MCC: variants seen among roughly 807,000 people sequenced by gnomAD.
MCC encodes colorectal mutant cancer protein.
Under a neutral mutation model 116.2 loss-of-function variants are expected in MCC, and 90 were observed. That is an observed-to-expected ratio of 0.77 (90% CI 0.65 to 0.92). The LOEUF (loss-of-function observed/expected upper bound fraction) is 0.92. Ranked by LOEUF, MCC falls within the 40% of genes least tolerant of loss-of-function variation. MCC has a pLI of 0.00. For synonymous variants in MCC, 578 were observed against 510.5 expected, an observed-to-expected ratio of 1.13 and a Z score of -1.78; for missense variants, 1,516 against 1,312.2, an observed-to-expected ratio of 1.16 and a Z score of -2.40.
intron 1 of MCC, among the ~76,000 whole-genome samples, chr5:113,400,695 T>C (rs1447078852): frequency 6.6e-6 from 1 of 152,226 alleles, no homozygotes; most frequent in Admixed American, 6.5e-5. Context: ...ATTTTCATTT[T>C]ACAGGGTCTA....
chr5:113,099,347 T>G (rs889959189), intron 8 of MCC, among the ~76,000 whole-genome samples: 1 of 151,534 alleles, frequency 6.6e-6, no homozygotes, highest in South Asian at 2.1e-4. Context: ...CAGGCCTGTA[T>G]GTGTGTGTGT....
chr5:113,312,830 T>C (rs1316804719), intron 3 of MCC, among the ~76,000 whole-genome samples: 1 of 152,214 alleles, frequency 6.6e-6, no homozygotes, highest in Non-Finnish European at 1.5e-5. Flanking sequence ...TATCCATCTA[T>C]TTAGTCAATG....
Position 113,351,457 on chromosome 5 carries a change from A to C in MCC, c.416-10727T>G, listed in dbSNP as rs1454081372. Among the ~76,000 whole-genome samples, 7 of 152,298 alleles carry C rather than the reference A, an allele frequency of 4.6e-5. No homozygotes were observed. The South Asian group carries it at 1.5e-3, about 32-fold the overall frequency. ...CCAGGCACAGAAAGACAAATTTCAC[A>C]TGTTCTCACTTATTTGTAGGAGCTA... On this transcript the variant is annotated intron_variant, in intron 2 of 18. Transcript: ENST00000408903.
intron 1 of MCC, among the ~76,000 whole-genome samples, chr5:113,482,737 T>C (rs1026552061): frequency 6.6e-5 from 10 of 152,158 alleles, no homozygotes; most frequent in Non-Finnish European, 1.3e-4. Context: ...TTTTGAAGCA[T>C]AAACTTAAAA....
At chr5:113,132,445 C>T (rs1257767250) in intron 5 of MCC, among the ~76,000 whole-genome samples, 4,753 of 21,324 alleles carry the variant, frequency 0.22, 418 homozygotes, top group African/African-American at 0.35. Flanking sequence ...TATATATATA[C>T]ACACACACAC....
chr5:113,382,610 T>G (rs78648405), intron 2 of MCC, among the ~76,000 whole-genome samples: 4,900 of 152,216 alleles, frequency 0.032, 105 homozygotes, highest in East Asian at 0.075. Context: ...TAGGGAGTTG[T>G]TTTCCCAATC....
Position 113,053,956 on chromosome 5 carries a change from T to G in MCC, c.2217A>C (p.Thr739=). Residue 739 remains threonine (T), a synonymous_variant, in exon 15 of 19, where the codon ACA becomes ACC. Coordinates refer to ENST00000408903, the MANE Select transcript of MCC (RefSeq NM_001085377.2). Reference sequence around the variant, plus strand: ...CGCAACTACTGGCTGTGGAGCTGGTTGTGCTGAGAAAGAAGAAAAACAAAG... The same window carrying G: ...CGCAACTACTGGCTGTGGAGCTGGTGGTGCTGAGAAAGAAGAAAAACAAAG... The part of the protein sequence containing the change: ...ESLSSNSHTS[T]TSSTASSCDT... The G allele has an allele frequency of 1.9e-6, 3 of 1,608,768 alleles. No individual in the cohort carries two copies. Among genetic ancestry groups the G allele is most frequent in the Non-Finnish European group, 8.5e-7 (1 of 1,175,608 alleles).
chr5:113,322,836 G>A (rs564950254), intron 3 of MCC, among the ~76,000 whole-genome samples: 1 of 152,270 alleles, frequency 6.6e-6, no homozygotes, highest in Admixed American at 6.5e-5. Flanking sequence ...TGAAGAACCA[G>A]CCTCCAAGAT....
chr5:113,322,746 C>A (rs1007395292), intron 3 of MCC, among the ~76,000 whole-genome samples: 1 of 152,246 alleles, frequency 6.6e-6, no homozygotes, highest in Admixed American at 6.5e-5. Flanking sequence ...CAGAGGATAG[C>A]GAGTTAATGA....
chr5:113,092,686 T>C (rs1018910450), intron 8 of MCC, among the ~76,000 whole-genome samples: 5 of 152,120 alleles, frequency 3.3e-5, no homozygotes, highest in African/African-American at 1.2e-4. Context: ...AAGAATGAGA[T>C]GAAAGAAACA....
intron 3 of MCC, among the ~76,000 whole-genome samples, chr5:113,197,546 AG>A (rs1354245302): frequency 6.6e-6 from 1 of 152,244 alleles, no homozygotes; most frequent in Non-Finnish European, 1.5e-5. Context: ...TAAGCTCCCT[AG>A]CACACAGGAA....
At chr5:113,121,647 A>T (rs1757742958) in intron 6 of MCC, among the ~76,000 whole-genome samples, 1 of 152,224 alleles carries the variant, frequency 6.6e-6, no homozygotes, top group Non-Finnish European at 1.5e-5. Flanking sequence ...TAGCACTTAT[A>T]GGATTTTAAT....
intron 1 of MCC, among the ~76,000 whole-genome samples, chr5:113,480,503 C>G (rs1308104098): frequency 6.6e-6 from 1 of 152,192 alleles, no homozygotes; most frequent in Non-Finnish European, 1.5e-5. Context: ...GTTATTCCTT[C>G]TAAAATGGAC....
At chr5:113,220,059 TTTTC>T (rs1763485482) in intron 3 of MCC, among the ~76,000 whole-genome samples, 1 of 66,368 alleles carries the variant, frequency 1.5e-5, no homozygotes, top group South Asian at 1.1e-3. Context: ...GTCAATTTCT[TTTTC>T]TTTTTTTTTT....
chr5:113,333,810 T>TACATATGTACATATATAC (rs778710246), intron 3 of MCC, among the ~76,000 whole-genome samples: 1 of 69,770 alleles, frequency 1.4e-5, no homozygotes, highest in African/African-American at 4.8e-5. Context: ...TGTATATATG[T>TACATATGTACATATATAC]ATATATGTAC....
chr5:113,283,210 C>G (rs1295337369), intron 3 of MCC, among the ~76,000 whole-genome samples: 5 of 152,144 alleles, frequency 3.3e-5, no homozygotes, highest in Non-Finnish European at 7.4e-5. Flanking sequence ...CTGGAAATAC[C>G]AAGGCGTGAG....
chr5:113,344,472 C>G (rs541480207), intron 2 of MCC, among the ~76,000 whole-genome samples: 1 of 152,046 alleles, frequency 6.6e-6, no homozygotes, highest in African/African-American at 2.4e-5. Flanking sequence ...AGAGGGCTTG[C>G]ATTACCCCAC....
At chr5:113,334,975 C>T (rs528919692) in intron 3 of MCC, among the ~76,000 whole-genome samples, 5 of 151,754 alleles carry the variant, frequency 3.3e-5, no homozygotes, top group East Asian at 1.9e-4. Context: ...TTTATTTGTC[C>T]TATCCCAATT....
chr5:113,105,177 G>A (rs1040801463), intron 6 of MCC, among the ~76,000 whole-genome samples: 1 of 152,156 alleles, frequency 6.6e-6, no homozygotes, highest in Non-Finnish European at 1.5e-5. Context: ...TTGTTGCAGG[G>A]CAGATGCTGA....
Sources: allele counts gnomAD v4.1 joint callset (sites outside exome capture counted in the v4.1 genomes callset), GRCh38; gene constraint gnomAD v4.1.1; transcripts MANE v1.5; gene names NCBI Gene and HGNC (gene_info 2026-07-23, HGNC 2026-07-21).